The following MSH4 variants were observed in gnomAD, a reference collection of about 807,000 sequenced individuals.
The protein encoded by MSH4 is mutS protein homolog 4.
MSH4 carries 106 observed loss-of-function variants against 113.7 expected under a neutral mutation model. The observed-to-expected ratio is 0.93, with a 90% CI of 0.80 to 1.10. The LOEUF is 1.10. Ranked by LOEUF, MSH4 falls within the 50% of genes least tolerant of loss-of-function variation. The probability of loss-of-function intolerance (pLI) is 0.00; values close to 1 mark genes in which losing one functional copy is unlikely to be tolerated. For synonymous variants in MSH4, 368 were observed against 380.2 expected, an observed-to-expected ratio of 0.97 and a Z score of 0.37; for missense variants, 1,061 against 1,093.7, an observed-to-expected ratio of 0.97 and a Z score of 0.42.
chr1:75,853,222 G>A (rs1207049939), intron 8 of MSH4, among the ~76,000 whole-genome samples: 1 of 151,976 alleles, frequency 6.6e-6, no homozygotes, highest in East Asian at 1.9e-4. Flanking sequence ...CCGCCACCAT[G>A]CCCAGCTAAT....
At chr1:75,822,698 T>C (rs2100521003) in intron 7 of MSH4, 117 bp downstream of exon 7, 2 of 509,480 alleles carry the variant, frequency 3.9e-6, no homozygotes, top group Middle Eastern at 5.6e-4. Context: ...TGTATTCTTT[T>C]ATGGAAAATA....
chr1:75,797,635 T>G (rs1481177048), intron 1 of MSH4, among the ~76,000 whole-genome samples: 1 of 36,284 alleles, frequency 2.8e-5, no homozygotes, highest in African/African-American at 1.2e-4. Context: ...AATAATATGT[T>G]TAGTATTAAA....
chr1:75,885,055 G>GTATATATA lies in MSH4; in HGVS notation c.2107+1235_2107+1236insATATATAT, dbSNP rs1469516814. 5.3e-3 allele frequency among the ~76,000 whole-genome samples: 537 copies of GTATATATA among 102,160 alleles called. 2 individuals carry two copies. The highest frequency in any genetic ancestry group is 0.02 in the African/African-American group (510 of 25,620). 67.0% of individuals were successfully genotyped at this position (102,160 alleles called of 152,430 possible). ...TGTGTGTGTGTGTGTGTGTGTGTGT[G>GTATATATA]TGTGTATATATATATATATACCAGC... On this transcript the variant is annotated intron_variant, in intron 15 of 19. Coordinates refer to ENST00000263187, the MANE Select transcript of MSH4 (RefSeq NM_002440.4).
intron 17 of MSH4, among the ~76,000 whole-genome samples, chr1:75,894,656 C>T (rs1652332687): frequency 6.6e-6 from 1 of 152,188 alleles, no homozygotes; most frequent in Non-Finnish European, 1.5e-5. Context: ...AATATCTTAT[C>T]TGCCATTATG....
At chr1:75,866,758 A>T (rs966961840) in intron 8 of MSH4, among the ~76,000 whole-genome samples, 6 of 151,984 alleles carry the variant, frequency 3.9e-5, no homozygotes, top group Admixed American at 3.9e-4. Flanking sequence ...AGATGGCTGG[A>T]TCATCTGAGG....
At chr1:75,816,591 A>G in intron 6 of MSH4, 45 bp downstream of exon 6, 1 of 1,115,616 alleles carries the variant, frequency 9.0e-7, no homozygotes, top group South Asian at 2.5e-5. Context: ...CGGTATATAT[A>G]TATTTTTCTA....
At chr1:75,902,510 C>A (rs1196340736) in intron 19 of MSH4, among the ~76,000 whole-genome samples, 1 of 151,276 alleles carries the variant, frequency 6.6e-6, no homozygotes, top group East Asian at 2.0e-4. Flanking sequence ...CCAACTCCAT[C>A]TATGTTGTGT....
At chr1:75,834,800 G>C (rs1403706166) in intron 7 of MSH4, among the ~76,000 whole-genome samples, 1 of 152,136 alleles carries the variant, frequency 6.6e-6, no homozygotes, top group Non-Finnish European at 1.5e-5. Flanking sequence ...ATGGGGGAGG[G>C]ATAGCATTAG....
At chr1:75,850,425 A>G (rs1651159814) in intron 8 of MSH4, among the ~76,000 whole-genome samples, 1 of 152,074 alleles carries the variant, frequency 6.6e-6, no homozygotes, top group Non-Finnish European at 1.5e-5. Flanking sequence ...ATGGGTTTTT[A>G]GAGGTATGTT....
At chr1:75,906,810 A>T (rs1473152661) in intron 19 of MSH4, among the ~76,000 whole-genome samples, 1 of 148,864 alleles carries the variant, frequency 6.7e-6, no homozygotes, top group Non-Finnish European at 1.5e-5. Flanking sequence ...GTCTGTAGTT[A>T]CTATTTTCAT....
chr1:75,801,708 T>C (rs1230236548), intron 1 of MSH4, among the ~76,000 whole-genome samples: 1 of 150,818 alleles, frequency 6.6e-6, no homozygotes, highest in African/African-American at 2.4e-5. Context: ...ACCCTGTCTC[T>C]ATAAAAAAAA....
chr1:75,905,973 A>C (rs537743748), intron 19 of MSH4, among the ~76,000 whole-genome samples: 2 of 151,958 alleles, frequency 1.3e-5, no homozygotes, highest in African/African-American at 4.8e-5. Flanking sequence ...TTAGCATCAT[A>C]CAGTTAGATC....
At chr1:75,809,790 A>T (rs1650148571) in intron 3 of MSH4, among the ~76,000 whole-genome samples, 1 of 151,982 alleles carries the variant, frequency 6.6e-6, no homozygotes, top group Non-Finnish European at 1.5e-5. Flanking sequence ...AGCTGGGATT[A>T]CATGTGCACA....
intron 7 of MSH4, among the ~76,000 whole-genome samples, chr1:75,841,682 A>G (rs1404575154): frequency 1.3e-5 from 2 of 152,082 alleles, no homozygotes; most frequent in Non-Finnish European, 2.9e-5. Flanking sequence ...CTGAACCTAG[A>G]GAGTACTGAT....
chr1:75,841,383 A>C (rs2100540615), intron 7 of MSH4, among the ~76,000 whole-genome samples: 1 of 152,132 alleles, frequency 6.6e-6, no homozygotes, highest in East Asian at 1.9e-4. Flanking sequence ...TTTTTTGTAG[A>C]GCCAGGGTCT....
At chr1:75,838,979 T>C (rs547948344) in intron 7 of MSH4, among the ~76,000 whole-genome samples, 9 of 152,170 alleles carry the variant, frequency 5.9e-5, no homozygotes, top group Non-Finnish European at 1.0e-4. Flanking sequence ...ATAATTCTTA[T>C]ATAAGGCTAG....
chr1:75,822,573 T>C lies in MSH4; in HGVS notation c.1154T>C (p.Leu385Pro). The C allele has an allele frequency of 6.8e-7, 1 of 1,475,250 alleles. No homozygotes were observed. The allele number at this position is 1,475,250 out of a possible 1,614,324, so 91.4% of individuals were successfully genotyped here. A position where few individuals can be genotyped will look rare whatever the true frequency, so the allele number is the denominator to read the frequency against. ...CAAGATGAGGAACTATTTTTTGGAC[T>C]TCAATCAGGTAAATCAATATTATTT... ...LLQDEELFFGLQSVISRFLDT... is the reference protein window; with the variant it reads ...LLQDEELFFGPQSVISRFLDT... The change falls in exon 7 of 20, where the codon CTT becomes CCT. Residue 385 changes from leucine to proline, a missense_variant. Transcript: ENST00000263187.
intron 13 of MSH4, among the ~76,000 whole-genome samples, chr1:75,880,727 A>G (rs995568196): frequency 6.6e-6 from 1 of 152,044 alleles, no homozygotes; most frequent in African/African-American, 2.4e-5. Context: ...ATCACAGTAT[A>G]ACTCTGCCTT....
chr1:75,817,874 G>A (rs1249275808), intron 6 of MSH4, among the ~76,000 whole-genome samples: 1 of 151,428 alleles, frequency 6.6e-6, no homozygotes, highest in African/African-American at 2.4e-5. Flanking sequence ...CTACAAATTA[G>A]TTTAAATGGG....
Sources: gnomAD v4.1 joint callset for allele counts (sites outside exome capture counted in the v4.1 genomes callset) on GRCh38, gnomAD v4.1.1 for gene constraint, MANE v1.5 for transcripts, NCBI Gene and HGNC (gene_info 2026-07-23, HGNC 2026-07-21) for gene names.